The following SH3RF3 variants were observed in gnomAD, a reference collection of about 807,000 sequenced individuals.
The protein encoded by SH3RF3 is SH3 domain containing ring finger 3.
SH3RF3 carries 29 observed loss-of-function variants against 66.3 expected under a neutral mutation model. The observed-to-expected ratio is 0.44, with a 90% CI of 0.33 to 0.60. The LOEUF (loss-of-function observed/expected upper bound fraction) is 0.60. Ranked by LOEUF, SH3RF3 falls within the 20% of genes least tolerant of loss-of-function variation. SH3RF3 has a pLI of 0.04. For synonymous variants in SH3RF3, 583 were observed against 532.0 expected, an observed-to-expected ratio of 1.10 and a Z score of -1.32; for missense variants, 1,194 against 1,190.9, an observed-to-expected ratio of 1.00 and a Z score of -0.04.
intron 1 of SH3RF3, among the ~76,000 whole-genome samples, chr2:109,201,305 C>T (rs980491289): frequency 1.3e-5 from 2 of 152,248 alleles, no homozygotes; most frequent in Non-Finnish European, 2.9e-5. Flanking sequence ...CCCAGCCCCA[C>T]TCTCCCACAG....
chr2:109,260,759 G>T (rs1038421333), intron 1 of SH3RF3, among the ~76,000 whole-genome samples: 2 of 152,158 alleles, frequency 1.3e-5, no homozygotes, highest in Non-Finnish European at 2.9e-5. Flanking sequence ...CAGAAGGCAC[G>T]GAAACTTCAG....
chr2:109,144,799 A>T (rs561747153), intron 1 of SH3RF3, among the ~76,000 whole-genome samples: 1 of 152,362 alleles, frequency 6.6e-6, no homozygotes, highest in Admixed American at 6.5e-5. Context: ...AGCCTGAGCC[A>T]CAGCAGAGCA....
intron 8 of SH3RF3, among the ~76,000 whole-genome samples, chr2:109,455,258 TG>T (rs1346425226): frequency 1.3e-5 from 2 of 152,026 alleles, no homozygotes; most frequent in Non-Finnish European, 2.9e-5. Flanking sequence ...AGGCTGGCCT[TG>T]GGGGGAGAAA....
intron 8 of SH3RF3, among the ~76,000 whole-genome samples, chr2:109,482,945 A>T (rs1026055311): frequency 3.3e-5 from 5 of 152,200 alleles, no homozygotes; most frequent in African/African-American, 1.2e-4. Context: ...ATTTTTGAAG[A>T]TGCATGTTAA....
At chr2:109,147,341 G>A (rs571421829) in intron 1 of SH3RF3, among the ~76,000 whole-genome samples, 10 of 152,312 alleles carry the variant, frequency 6.6e-5, no homozygotes, top group African/African-American at 1.9e-4. Flanking sequence ...TTTTGTGGAC[G>A]AGACTATCTC....
At chr2:109,424,437 AT>A (rs1293693873) in intron 5 of SH3RF3, among the ~76,000 whole-genome samples, 1 of 151,982 alleles carries the variant, frequency 6.6e-6, no homozygotes, top group Non-Finnish European at 1.5e-5. Flanking sequence ...GGCAAACCTC[AT>A]TTCATCGCAC....
chr2:109,382,378 A>G (rs1675711109), intron 3 of SH3RF3, among the ~76,000 whole-genome samples: 1 of 151,970 alleles, frequency 6.6e-6, no homozygotes, highest in East Asian at 1.9e-4. Flanking sequence ...CCTGGGGCTG[A>G]GGCTGCCTGC....
chr2:109,286,383 A>C (rs1681030787), intron 1 of SH3RF3, among the ~76,000 whole-genome samples: 1 of 152,186 alleles, frequency 6.6e-6, no homozygotes, highest in Non-Finnish European at 1.5e-5. Context: ...TTGCAATTCA[A>C]AGGCAAGCAG....
chr2:109,414,357 C>T (rs1189165516), intron 4 of SH3RF3, among the ~76,000 whole-genome samples: 1 of 152,196 alleles, frequency 6.6e-6, no homozygotes, highest in African/African-American at 2.4e-5. Flanking sequence ...CTTGGGGACT[C>T]TGTCCTCCAC....
chr2:109,329,552 G>A (rs1248545712), intron 1 of SH3RF3, among the ~76,000 whole-genome samples: 1 of 152,228 alleles, frequency 6.6e-6, no homozygotes, highest in Non-Finnish European at 1.5e-5. Context: ...GCACTGGGGT[G>A]CAGCCTTCCT....
At chr2:109,438,833 T>G (rs972576079) in intron 7 of SH3RF3, among the ~76,000 whole-genome samples, 2 of 152,200 alleles carry the variant, frequency 1.3e-5, no homozygotes, top group Non-Finnish European at 2.9e-5. Flanking sequence ...GTTTGGCCAC[T>G]GGAGCACCCA....
chr2:109,452,918 AGGAGGCTGGTCCCGGGAGGCTGG>A (rs1677926732), intron 8 of SH3RF3, among the ~76,000 whole-genome samples: 2 of 134,294 alleles, frequency 1.5e-5, no homozygotes, highest in African/African-American at 5.8e-5. Flanking sequence ...GGCTGGTGCC[AGGAGGCTGGTCCCGGGAGGCTGG>A]TGCCGGGAGG....
Position 109,398,704 on chromosome 2 carries a change from A to G in SH3RF3, c.1060A>G (p.Ser354Gly), listed in dbSNP as rs1396210711. ...DSGAVASVAP[S>G]PTLSSSGAVS... The stretch of plus-strand genomic sequence containing the variant: ...CGGCGCTGTGGCCAGCGTGGCCCCA[A>G]GTCCCACTTTAAGCAGCTCAGGGGC... The change falls in exon 4 of 10, where the codon AGT (serine) becomes GGT (glycine). Residue 354 changes from serine to glycine, a missense_variant. By Grantham distance (56) the Ser-to-Gly change is moderately conservative. Transcript: ENST00000309415. 1 of 1,612,508 alleles carries G rather than the reference A, an allele frequency of 6.2e-7. No individual in the cohort carries two copies. Among genetic ancestry groups the G allele is most frequent in the Admixed American group, 1.7e-5 (1 of 59,898 alleles).
intron 3 of SH3RF3, among the ~76,000 whole-genome samples, chr2:109,377,704 G>A (rs1683419822): frequency 6.6e-6 from 1 of 152,044 alleles, no homozygotes. Context: ...GTTTGAGAGT[G>A]CTTATCTTCA....
In SH3RF3 at chr2:109,501,740, A is replaced by G. The variant is rs1358982918; in HGVS notation, c.*69A>G. 6 of 689,288 alleles carry G rather than the reference A, an allele frequency of 8.7e-6. No homozygotes were observed. In the African/African-American group the frequency reaches 8.8e-5, roughly 10 times the overall value. The allele number at this position is 689,288 out of a possible 1,614,324, so 42.7% of individuals were successfully genotyped here. On this transcript the variant is annotated 3_prime_UTR_variant, in exon 10 of 10. Coordinates refer to ENST00000309415, the MANE Select transcript of SH3RF3 (RefSeq NM_001099289.3). ...CTGGGAAGCTCCACGGCACACAGAG[A>G]GGGAGCCATGGCGCCCCAAGGGTTC...
At chr2:109,287,148 TAA>T (rs1240651125) in intron 1 of SH3RF3, among the ~76,000 whole-genome samples, 1 of 152,184 alleles carries the variant, frequency 6.6e-6, no homozygotes, top group Non-Finnish European at 1.5e-5. Context: ...TGTCCAGAGA[TAA>T]AAAAGACCCA....
At chr2:109,312,040 T>A (rs1681741010) in intron 1 of SH3RF3, among the ~76,000 whole-genome samples, 6 of 150,018 alleles carry the variant, frequency 4.0e-5, no homozygotes, top group Admixed American at 2.7e-4. Context: ...TTGTGGCCGG[T>A]GTAGCAGTCA....
At chr2:109,244,111 T>G (rs770071085) in intron 1 of SH3RF3, among the ~76,000 whole-genome samples, 41 of 152,200 alleles carry the variant, frequency 2.7e-4, no homozygotes, top group Non-Finnish European at 5.4e-4. Flanking sequence ...AGAATAGTTT[T>G]CCTTGAACTT....
chr2:109,445,194 G>A (rs936975307), intron 7 of SH3RF3, among the ~76,000 whole-genome samples: 1 of 152,196 alleles, frequency 6.6e-6, no homozygotes, highest in Non-Finnish European at 1.5e-5. Flanking sequence ...AGGATAGATT[G>A]AGGAGCTCCA....
Sources: allele counts gnomAD v4.1 joint callset (sites outside exome capture counted in the v4.1 genomes callset), GRCh38; gene constraint gnomAD v4.1.1; transcripts MANE v1.5; gene names NCBI Gene and HGNC (gene_info 2026-07-23, HGNC 2026-07-21).